BRD1: variants seen among roughly 807,000 people sequenced by gnomAD.
BRD1 encodes the protein bromodomain containing 1, also known as bromodomain-containing protein 1.
A neutral mutation model predicts 107.7 loss-of-function variants in BRD1; 24 were observed. That is an observed-to-expected ratio of 0.22 (90% confidence interval 0.16 to 0.31). BRD1 has a LOEUF of 0.31. Ranked by LOEUF, BRD1 falls within the 10% of genes least tolerant of loss-of-function variation. The pLI, the probability that BRD1 is intolerant of heterozygous loss-of-function variation, is 1.00. For synonymous variants in BRD1, 744 were observed against 686.1 expected, an observed-to-expected ratio of 1.08 and a Z score of -1.32; for missense variants, 1,279 against 1,638.6, an observed-to-expected ratio of 0.78 and a Z score of 3.79.
intron 8 of BRD1, among the ~76,000 whole-genome samples, chr22:49,780,156 G>C (rs1277422748): frequency 6.6e-6 from 1 of 152,142 alleles, no homozygotes; most frequent in East Asian, 1.9e-4. Context: ...CCTAGCACGA[G>C]ATCACCCGCA....
intron 1 of BRD1, among the ~76,000 whole-genome samples, chr22:49,827,077 C>T (rs1481922662): frequency 1.3e-5 from 2 of 151,984 alleles, no homozygotes; most frequent in East Asian, 3.9e-4. Flanking sequence ...CTTGGCAGAG[C>T]TCGGCGGGCC....
intron 6 of BRD1, among the ~76,000 whole-genome samples, chr22:49,797,502 G>C (rs1322298813): frequency 6.6e-6 from 1 of 152,186 alleles, no homozygotes; most frequent in Non-Finnish European, 1.5e-5. Context: ...CAGGTGCTGA[G>C]CGTAAAATAC....
At chr22:49,804,619 TG>T (rs995239808) in intron 2 of BRD1, among the ~76,000 whole-genome samples, 4 of 152,116 alleles carry the variant, frequency 2.6e-5, no homozygotes, top group African/African-American at 7.2e-5. Flanking sequence ...GAGGCCGAGG[TG>T]GGGGGATCCC....
At chr22:49,780,103 G>C (rs1023836329) in intron 8 of BRD1, among the ~76,000 whole-genome samples, 1 of 152,170 alleles carries the variant, frequency 6.6e-6, no homozygotes, top group African/African-American at 2.4e-5. Flanking sequence ...ACGATGACCA[G>C]TGCGGCCTTC....
chr22:49,814,598 C>G (rs1176648205), intron 2 of BRD1, among the ~76,000 whole-genome samples: 1 of 152,264 alleles, frequency 6.6e-6, no homozygotes, highest in Non-Finnish European at 1.5e-5. Flanking sequence ...CTATGTAGAG[C>G]ACCTGGGTAG....
intron 2 of BRD1, chr22:49,806,153 G>A (rs2147222830): frequency 6.6e-6 from 1 of 152,278 alleles, no homozygotes; most frequent in East Asian, 1.9e-4. Context: ...ACAGACATGA[G>A]CCACCACACC....
intron 12 of BRD1, 90 bp from the exon 13 acceptor site, chr22:49,774,506 TC>T: frequency 1.4e-6 from 2 of 1,401,520 alleles, no homozygotes; most frequent in Non-Finnish European, 1.9e-6. Context: ...TTCACTGCCC[TC>T]CGATAGAAAG....
intron 3 of BRD1, among the ~76,000 whole-genome samples, 163 bp from the exon 4 acceptor site, chr22:49,799,282 G>C (rs1189436101): frequency 1.3e-5 from 2 of 152,008 alleles, no homozygotes; most frequent in Non-Finnish European, 2.9e-5. Context: ...CCCCAGGACA[G>C]CACCGGGACA....
Position 49,798,665 on chromosome 22 carries a change from T to C in BRD1, c.1678A>G (p.Met560Val), listed in dbSNP as rs1402675661. The C allele has an allele frequency of 1.2e-6, 2 of 1,610,036 alleles. No individual in the cohort carries two copies. The highest frequency in any genetic ancestry group is 2.7e-5 in the African/African-American group (2 of 74,862). ...GTCAGCGGGGTCAGCCGCAGCTCCA[T>C]GGCGACCTGCTCCACCTTCACCTGG... Reference protein sequence around the residue: ...REQVKVEQVAMELRLTPLTVL... With the variant: ...REQVKVEQVAVELRLTPLTVL... Residue 560 changes from methionine to valine, a missense_variant, in exon 5 of 13, where the codon ATG becomes GTG. Physicochemically the swap from Met to Val is conservative, Grantham distance 21. Around this residue, in one of 7 missense-constraint regions of BRD1, gnomAD observed 406 missense variants for 519.4 expected, o/e 0.78. Transcript: ENST00000404760.
intron 3 of BRD1, 53 bp from the exon 4 acceptor site, chr22:49,799,172 A>G: frequency 3.2e-6 from 5 of 1,581,314 alleles, no homozygotes; most frequent in Non-Finnish European, 4.3e-6. Context: ...CTTCTGCAAA[A>G]GGCCTCAGAT....
At chr22:49,797,128 G>A (rs2059549839) in intron 6 of BRD1, among the ~76,000 whole-genome samples, 1 of 152,236 alleles carries the variant, frequency 6.6e-6, no homozygotes, top group Non-Finnish European at 1.5e-5. Flanking sequence ...CAAGCAGGGT[G>A]CAGGGGACAG....
intron 1 of BRD1, among the ~76,000 whole-genome samples, chr22:49,825,202 A>T (rs1378348020): frequency 2.0e-5 from 3 of 152,038 alleles, no homozygotes; most frequent in Non-Finnish European, 4.4e-5. Context: ...ATCCAGACAC[A>T]TGCATGACGC....
Position 49,803,250 on chromosome 22 carries a change from C to CTCTGCTCTAGT in BRD1, c.1524+953_1524+954insACTAGAGCAGA. Among the ~76,000 whole-genome samples the CTCTGCTCTAGT allele has an allele frequency of 6.6e-6, 1 of 152,332 alleles. No individual in the cohort carries two copies. The highest frequency in any genetic ancestry group is 2.4e-5 in the African/African-American group (1 of 41,574). ...CAGCACCGGCCACCGCACCACCGCACGGGGACCCAACCGTGAACCCTGTAG... is the reference window on the plus strand; with the variant it reads ...CAGCACCGGCCACCGCACCACCGCACTCTGCTCTAGTGGGGACCCAACCGTGAACCCTGTAG... On this transcript the variant is annotated intron_variant, in intron 3 of 12. Transcript: ENST00000404760. The surrounding 1 kb of genome is among the most constrained non-coding windows in gnomAD (Gnocchi z 4.4).
chr22:49,815,398 T>C (rs777414481), intron 2 of BRD1, among the ~76,000 whole-genome samples: 26 of 152,050 alleles, frequency 1.7e-4, no homozygotes, highest in Admixed American at 2.6e-4. Flanking sequence ...CAAAAATTAG[T>C]TGGGCGTGGT....
At chr22:49,806,424 G>C (rs1225210013) in intron 2 of BRD1, 1 of 152,116 alleles carries the variant, frequency 6.6e-6, no homozygotes, top group Admixed American at 6.5e-5. Context: ...GGGAGCTCAT[G>C]TGAGCAAGAG....
chr22:49,787,680 C>T lies in BRD1; in HGVS notation c.2567G>A (p.Arg856His), dbSNP rs758716081. 49 of 1,550,540 alleles carry T rather than the reference C, an allele frequency of 3.2e-5. No homozygotes were observed. The highest frequency in any genetic ancestry group is 3.9e-5 in the Admixed American group (2 of 50,988). Residue 856 changes from arginine (R) to histidine (H), a missense_variant, in exon 8 of 13, where the codon CGC becomes CAC. This residue lies in a region of BRD1 where 406 missense variants were observed against 519.4 expected (regional missense o/e 0.78). Coordinates refer to ENST00000404760, the MANE Select transcript of BRD1 (RefSeq NM_001304808.3). ...LVSGRPPEPT[R>H]ASSGDVPAAA... ...CGCCGGCACATCGCCACTACTGGCG[C>T]GGGTGGGCTCTGGAGGGCGTCCGCT...
intron 7 of BRD1, among the ~76,000 whole-genome samples, chr22:49,790,714 A>G (rs1236084882): frequency 6.6e-6 from 1 of 152,178 alleles, no homozygotes; most frequent in Non-Finnish European, 1.5e-5. Flanking sequence ...CAGCAACCAC[A>G]CTGTCCCTCC....
chr22:49,798,526 C>A, intron 5 of BRD1, 32 bp downstream of exon 5: 1 of 1,613,982 alleles, frequency 6.2e-7, no homozygotes, highest in East Asian at 2.2e-5. Context: ...GTCACACATG[C>A]GGCAGGACAG....
chr22:49,821,969 G>C (rs960440406), intron 2 of BRD1, among the ~76,000 whole-genome samples: 5 of 152,214 alleles, frequency 3.3e-5, no homozygotes, highest in African/African-American at 9.6e-5. Context: ...TGCAGCAAGT[G>C]GGGGGCACAG....
Sources: allele counts gnomAD v4.1 joint callset (sites outside exome capture counted in the v4.1 genomes callset), GRCh38; gene constraint gnomAD v4.1.1; regional missense constraint gnomAD v4.1.1; non-coding constraint Gnocchi (gnomAD v3.1); transcripts MANE v1.5; gene names NCBI Gene and HGNC (gene_info 2026-07-23, HGNC 2026-07-21).